The following ANKRD39 variants were observed in gnomAD, a reference collection of about 807,000 sequenced individuals.
ANKRD39 encodes ankyrin repeat domain 39.
ANKRD39 carries 18 observed loss-of-function variants against 20.3 expected under a neutral mutation model. That is an observed-to-expected ratio of 0.89 (90% CI 0.61 to 1.32). The LOEUF (loss-of-function observed/expected upper bound fraction) is 1.32, where lower values mean the gene tolerates loss of function less well. Ranked by LOEUF, ANKRD39 falls within the 40% of genes most tolerant of loss-of-function variation. ANKRD39 has a pLI of 0.00. For missense variants in ANKRD39, 243 were observed against 250.7 expected (o/e 0.97, Z 0.21); for synonymous variants, 106 against 111.9 (o/e 0.95, Z 0.33).
rs116687397 is a variant in ANKRD39, at chr2:96,852,320, G to A, written c.408+1081C>T. On this transcript the variant is annotated intron_variant, in intron 3 of 3. Coordinates refer to ENST00000393537, the MANE Select transcript of ANKRD39 (RefSeq NM_016466.6). ...GAAGATCACTCAAGCCCAGGAAGTCGGGGCTGCAGTGAGTTATAATCATGC... is the reference window on the plus strand; with the variant it reads ...GAAGATCACTCAAGCCCAGGAAGTCAGGGCTGCAGTGAGTTATAATCATGC... 7.6e-3 allele frequency among the ~76,000 whole-genome samples: 1,145 copies of A among 150,398 alleles called. 18 individuals are homozygous for A. The highest frequency in any genetic ancestry group is 0.027 in the African/African-American group (1,092 of 40,768).
At chr2:96,855,375 A>C (rs1195863998) in intron 1 of ANKRD39, among the ~76,000 whole-genome samples, 1 of 152,238 alleles carries the variant, frequency 6.6e-6, no homozygotes, top group Admixed American at 6.5e-5. Context: ...CTGCAGACCT[A>C]GTCAAAGAGA....
intron 3 of ANKRD39, among the ~76,000 whole-genome samples, chr2:96,850,857 C>T (rs1029379081): frequency 1.3e-5 from 2 of 152,196 alleles, no homozygotes; most frequent in Non-Finnish European, 2.9e-5. Context: ...AGCAGTAAAA[C>T]GTCTGAGCAA....
At chr2:96,851,451 C>T (rs144853074) in intron 3 of ANKRD39, among the ~76,000 whole-genome samples, 5,812 of 152,198 alleles carry the variant, frequency 0.038, 366 homozygotes, top group African/African-American at 0.13. Flanking sequence ...CCACCACACC[C>T]GGCCTAATTT....
In ANKRD39 at chr2:96,848,188, C is replaced by A; in HGVS notation, c.*113G>T. 1 of 1,471,144 alleles carries A rather than the reference C, an allele frequency of 6.8e-7. No homozygotes were observed. Among genetic ancestry groups the A allele is most frequent in the Non-Finnish European group, 9.2e-7 (1 of 1,083,580 alleles). The allele number at this position is 1,471,144 out of a possible 1,614,324, so 91.1% of individuals were successfully genotyped here. Reference sequence around the variant, plus strand: ...CCACAGTGACCAGACTGGGGCTCTTCCTGGGTGGTCTGGCCTCAGTTCCCT... The same window carrying A: ...CCACAGTGACCAGACTGGGGCTCTTACTGGGTGGTCTGGCCTCAGTTCCCT... On this transcript the variant is annotated 3_prime_UTR_variant, in exon 4 of 4. Transcript: ENST00000393537.
At chr2:96,848,552 C>T (rs749001442) in intron 3 of ANKRD39, 108 bp from the exon 4 acceptor site, 86 of 1,429,370 alleles carry the variant, frequency 6.0e-5, no homozygotes, top group Non-Finnish European at 7.7e-5. Context: ...CCTCTCTGGG[C>T]GCAGTGGCTC....
chr2:96,857,027 T>C (rs946064668), intron 1 of ANKRD39, among the ~76,000 whole-genome samples: 2 of 152,128 alleles, frequency 1.3e-5, no homozygotes, highest in Non-Finnish European at 2.9e-5. Context: ...GGGAATGATG[T>C]GATTTCTAAT....
Position 96,848,036 on chromosome 2 carries a change from G to A in ANKRD39, c.*265C>T. The A allele has an allele frequency of 3.1e-6, 1 of 324,540 alleles. No individual in the cohort carries two copies. The highest frequency in any genetic ancestry group is 5.6e-6 in the Non-Finnish European group (1 of 177,096). 20.1% of individuals were successfully genotyped at this position (324,540 alleles called of 1,614,324 possible). ...AATCTTGCAATTTATCTTTGGGTGT[G>A]GGATGAGGTAAGGATATAACTTTAT... On this transcript the variant is annotated 3_prime_UTR_variant, in exon 4 of 4. Transcript: ENST00000393537.
At chr2:96,854,123 TCTCAA>T (rs2079851903) in intron 2 of ANKRD39, among the ~76,000 whole-genome samples, 2 of 152,148 alleles carry the variant, frequency 1.3e-5, no homozygotes, top group Admixed American at 1.3e-4. Context: ...CAAGACTTCA[TCTCAA>T]AACAAAACAA....
At position 96,850,680 on chromosome 2, in the gene ANKRD39, A is replaced by AC. The variant is rs560837411; in HGVS notation, c.409-2237dup. Among the ~76,000 whole-genome samples the AC allele has an allele frequency of 2.7e-3, 413 of 151,620 alleles. 16 individuals are homozygous for AC. In the East Asian group the frequency reaches 0.058, roughly 21 times the overall value. ...ACTCTATCTAAAAAAACAAAACAAA[A>AC]CAAAAAAAAAAACAAAAACATACAC... On this transcript the variant is annotated intron_variant, in intron 3 of 3. Transcript: ENST00000393537.
At position 96,854,914 on chromosome 2, in the gene ANKRD39, G is replaced by A. The variant is rs563760878; in HGVS notation, c.101-473C>T. Among the ~76,000 whole-genome samples, 5 of 152,266 alleles carry A rather than the reference G, an allele frequency of 3.3e-5. No individual in the cohort carries two copies. The East Asian group carries it at 5.8e-4, about 18-fold the overall frequency. On this transcript the variant is annotated intron_variant, in intron 1 of 3. Coordinates refer to ENST00000393537, the MANE Select transcript of ANKRD39 (RefSeq NM_016466.6). ...GCTGGGATTACAGGCGTGAGCCACC[G>A]TGCCCAGCCAGAAACAACTTTTAAA... is the stretch of plus-strand genomic sequence containing the variant.
intron 1 of ANKRD39, 45 bp downstream of exon 1, chr2:96,857,843 G>T: frequency 1.3e-6 from 2 of 1,530,244 alleles, no homozygotes; most frequent in South Asian, 2.4e-5. Context: ...CTCCTCCTTG[G>T]GCCGGGGCCT....
intron 1 of ANKRD39, among the ~76,000 whole-genome samples, chr2:96,854,751 C>T (rs2079854921): frequency 6.6e-6 from 1 of 152,060 alleles, no homozygotes; most frequent in East Asian, 1.9e-4. Context: ...AAATTCAGGT[C>T]GGGCTGGGAT....
chr2:96,850,124 C>T (rs1287211154), intron 3 of ANKRD39, among the ~76,000 whole-genome samples: 3 of 152,178 alleles, frequency 2.0e-5, no homozygotes, highest in African/African-American at 4.8e-5. Context: ...ATTTCCTACT[C>T]CTCCCAACAG....
intron 3 of ANKRD39, among the ~76,000 whole-genome samples, chr2:96,851,917 G>T (rs2079839840): frequency 6.6e-6 from 1 of 152,172 alleles, no homozygotes; most frequent in Non-Finnish European, 1.5e-5. Context: ...ATGGCTGGAT[G>T]TGGTAGCTCA....
intron 1 of ANKRD39, among the ~76,000 whole-genome samples, chr2:96,856,468 CAAAA>C (rs56306893): frequency 2.8e-5 from 2 of 70,676 alleles, no homozygotes; most frequent in Non-Finnish European, 3.2e-5. Context: ...GACTCCATCT[CAAAA>C]AAAAAAAAAA....
At chr2:96,857,784 G>GCCCCAAT in intron 1 of ANKRD39, 104 bp downstream of exon 1, 1 of 1,237,118 alleles carries the variant, frequency 8.1e-7, no homozygotes, top group Non-Finnish European at 1.1e-6. Context: ...CAAGCCCCAA[G>GCCCCAAT]CCCCAAGCTC....
intron 3 of ANKRD39, among the ~76,000 whole-genome samples, chr2:96,849,904 C>G (rs1163924157): frequency 6.6e-6 from 1 of 152,116 alleles, no homozygotes; most frequent in African/African-American, 2.4e-5. Context: ...TACCTCCCCC[C>G]AAAAATAATA....
At position 96,848,270 on chromosome 2, in the gene ANKRD39, CT is replaced by C; in HGVS notation, c.*30del. 6.2e-7 allele frequency: 1 copy of C among 1,612,730 alleles called. No individual in the cohort carries two copies. Among genetic ancestry groups the C allele is most frequent in the East Asian group, 2.2e-5 (1 of 44,818 alleles). On this transcript the variant is annotated 3_prime_UTR_variant, in exon 4 of 4. Transcript: ENST00000393537. ...GGCTTGGAGAACTGGTCTGTGTACC[CT>C]TTAAAGGCAGCTGGAGATAGGGTGG...
intron 3 of ANKRD39, among the ~76,000 whole-genome samples, chr2:96,853,044 G>A (rs2079845870): frequency 6.6e-6 from 1 of 152,182 alleles, no homozygotes; most frequent in Non-Finnish European, 1.5e-5. Context: ...CCATGTGCAG[G>A]TATTTCCAGC....
Sources: allele counts gnomAD v4.1 joint callset (sites outside exome capture counted in the v4.1 genomes callset), GRCh38; gene constraint gnomAD v4.1.1; transcripts MANE v1.5; gene names NCBI Gene and HGNC (gene_info 2026-07-23, HGNC 2026-07-21).